The following LRRTM4 variants were observed in gnomAD, a reference collection of about 807,000 sequenced individuals.
LRRTM4 encodes the protein leucine rich repeat transmembrane neuronal 4, also known as leucine-rich repeat transmembrane neuronal protein 4.
LRRTM4 carries 25 observed loss-of-function variants against 47.6 expected under a neutral mutation model. That is an observed-to-expected ratio of 0.53 (90% CI 0.38 to 0.73). LRRTM4 has a LOEUF of 0.73. Among genes scored for constraint, LRRTM4 ranks in the 30% least tolerant of loss-of-function variants. LRRTM4 has a pLI of 0.00. For synonymous variants in LRRTM4, 311 were observed against 269.5 expected, an observed-to-expected ratio of 1.15 and a Z score of -1.51; for missense variants, 638 against 713.4, an observed-to-expected ratio of 0.89 and a Z score of 1.20.
At chr2:77,454,620 C>T (rs1676447381) in intron 3 of LRRTM4, among the ~76,000 whole-genome samples, 1 of 152,122 alleles carries the variant, frequency 6.6e-6, no homozygotes, top group African/African-American at 2.4e-5. Context: ...ATGACCGCTA[C>T]TGTTCAGAGT....
intron 3 of LRRTM4, among the ~76,000 whole-genome samples, chr2:77,099,447 A>G (rs1670894072): frequency 6.6e-6 from 1 of 151,934 alleles, no homozygotes; most frequent in Non-Finnish European, 1.5e-5. Context: ...GACTATATAT[A>G]TTTGGGTGTG....
At position 77,306,897 on chromosome 2, in the gene LRRTM4, A is replaced by ATTTTTTTTTTTTTTTT. The variant is rs774697360; in HGVS notation, c.1551+211405_1551+211420dup. ...AAATAGCTATATACTGCTTTTCCAT[A>ATTTTTTTTTTTTTTTT]TTTTTTTTTTTTTTTTTTTTGAGAT... On this transcript the variant is annotated intron_variant, in intron 3 of 3. Coordinates refer to ENST00000409884, the MANE Select transcript of LRRTM4 (RefSeq NM_001134745.3). Among the ~76,000 whole-genome samples the ATTTTTTTTTTTTTTTT allele has an allele frequency of 8.1e-4, 91 of 112,408 alleles. 7 individuals carry two copies. The highest frequency in any genetic ancestry group is 3.5e-3 in the African/African-American group (82 of 23,128). The allele number at this position is 112,408 out of a possible 152,430, so 73.7% of individuals were successfully genotyped here. A position where few individuals can be genotyped will look rare whatever the true frequency, so the allele number is the denominator to read the frequency against.
chr2:76,922,394 G>C (rs1674460165), intron 3 of LRRTM4, among the ~76,000 whole-genome samples: 1 of 152,032 alleles, frequency 6.6e-6, no homozygotes, highest in Non-Finnish European at 1.5e-5. Context: ...AAAGTGGGAA[G>C]TGCCACATAC....
intron 3 of LRRTM4, among the ~76,000 whole-genome samples, chr2:77,513,480 A>G (rs559000165): frequency 2.0e-5 from 3 of 152,312 alleles, no homozygotes; most frequent in African/African-American, 7.2e-5. Context: ...AAATGGCAAT[A>G]TGTAGTACAA....
intron 3 of LRRTM4, among the ~76,000 whole-genome samples, chr2:77,049,157 T>TACACACACACAC (rs1336101809): frequency 9.4e-6 from 1 of 106,360 alleles, no homozygotes; most frequent in African/African-American, 5.0e-5. Flanking sequence ...TATATATATA[T>TACACACACACAC]ACACACACAC....
intron 3 of LRRTM4, among the ~76,000 whole-genome samples, chr2:77,337,065 A>G (rs1671193443): frequency 1.3e-5 from 2 of 152,178 alleles, no homozygotes; most frequent in African/African-American, 4.8e-5. Context: ...TAGCATTTCC[A>G]TACACCAATA....
chr2:77,077,097 T>C (rs762920865), intron 3 of LRRTM4, among the ~76,000 whole-genome samples: 7 of 152,206 alleles, frequency 4.6e-5, no homozygotes, highest in Non-Finnish European at 1.0e-4. Flanking sequence ...TTTTCCTGTG[T>C]ATTAGAATGT....
chr2:76,808,287 G>A (rs1208645221), intron 3 of LRRTM4, among the ~76,000 whole-genome samples: 1 of 152,070 alleles, frequency 6.6e-6, no homozygotes, highest in Non-Finnish European at 1.5e-5. Flanking sequence ...CAAAGTGCTG[G>A]AGTGAGCCAC....
chr2:77,242,574 C>G (rs1164915628), intron 3 of LRRTM4, among the ~76,000 whole-genome samples: 1 of 151,972 alleles, frequency 6.6e-6, no homozygotes, highest in African/African-American at 2.4e-5. Flanking sequence ...CTCAACATCA[C>G]TAATCTTTAG....
chr2:77,452,253 C>T (rs901673879), intron 3 of LRRTM4, among the ~76,000 whole-genome samples: 7 of 152,106 alleles, frequency 4.6e-5, no homozygotes, highest in South Asian at 2.1e-4. Flanking sequence ...CAGTGGACTA[C>T]GCAGCATGCA....
chr2:77,038,438 A>C (rs1193284892), intron 3 of LRRTM4, among the ~76,000 whole-genome samples: 1 of 151,520 alleles, frequency 6.6e-6, no homozygotes. Flanking sequence ...TTACCTTTTA[A>C]TGACTAAATT....
intron 3 of LRRTM4, among the ~76,000 whole-genome samples, chr2:76,754,944 A>C (rs1672976083): frequency 1.3e-5 from 2 of 152,122 alleles, no homozygotes; most frequent in Admixed American, 6.5e-5. Flanking sequence ...TCCGCAAAAG[A>C]CCCTAGATAT....
chr2:77,382,464 C>G (rs290033), intron 3 of LRRTM4, among the ~76,000 whole-genome samples: 65,616 of 151,808 alleles, frequency 0.43, 14,432 homozygotes, highest in East Asian at 0.63. Flanking sequence ...GTGGGCCTTA[C>G]AGATATCCCC....
chr2:76,814,397 C>CTGTT (rs3055934), intron 3 of LRRTM4, among the ~76,000 whole-genome samples: 37,933 of 151,676 alleles, frequency 0.25, 5,167 homozygotes, highest in East Asian at 0.41. Context: ...AAGCTATTGG[C>CTGTT]TGTTTGTATT....
chr2:77,142,264 G>T (rs1237904373), intron 3 of LRRTM4, among the ~76,000 whole-genome samples: 2 of 152,090 alleles, frequency 1.3e-5, no homozygotes, highest in Non-Finnish European at 2.9e-5. Context: ...CAAAGATTTT[G>T]GAAGATTTTT....
intron 3 of LRRTM4, among the ~76,000 whole-genome samples, chr2:76,905,300 G>C (rs1270431886): frequency 6.6e-6 from 1 of 152,152 alleles, no homozygotes; most frequent in East Asian, 1.9e-4. Context: ...CTGTCTGTTA[G>C]AAGGAAAACT....
chr2:77,400,630 C>T (rs1036777102), intron 3 of LRRTM4, among the ~76,000 whole-genome samples: 8 of 151,810 alleles, frequency 5.3e-5, no homozygotes, highest in African/African-American at 1.9e-4. Flanking sequence ...ATTTCTCTGC[C>T]AGAAATTCGG....
intron 3 of LRRTM4, among the ~76,000 whole-genome samples, chr2:77,304,995 C>A (rs1677235245): frequency 6.6e-6 from 1 of 151,972 alleles, no homozygotes; most frequent in Admixed American, 6.6e-5. Context: ...CCAATCTTTT[C>A]ATTCATTCAT....
chr2:76,807,899 ACTTTTCTTTCTTTT>A (rs1670584630), intron 3 of LRRTM4, among the ~76,000 whole-genome samples: 1 of 143,312 alleles, frequency 7.0e-6, no homozygotes, highest in Non-Finnish European at 1.5e-5. Context: ...TTTCTTCTTT[ACTTTTCTTTCTTTT>A]CTTTCCTTTC....
Sources: allele counts gnomAD v4.1 joint callset (sites outside exome capture counted in the v4.1 genomes callset), GRCh38; gene constraint gnomAD v4.1.1; transcripts MANE v1.5; gene names NCBI Gene and HGNC (gene_info 2026-07-23, HGNC 2026-07-21).